The following CDH18 variants were observed in gnomAD, a reference collection of about 807,000 sequenced individuals.
The protein encoded by CDH18 is cadherin 18, also known as cadherin-18.
Under a neutral mutation model 67.9 loss-of-function variants are expected in CDH18, and 31 were observed. That is an observed-to-expected ratio of 0.46 (90% CI 0.34 to 0.62). The LOEUF (loss-of-function observed/expected upper bound fraction) is 0.62. Ranked by LOEUF, CDH18 falls within the 20% of genes least tolerant of loss-of-function variation. The pLI, the probability that CDH18 is intolerant of heterozygous loss-of-function variation, is 0.01. For synonymous variants in CDH18, 362 were observed against 347.2 expected, an observed-to-expected ratio of 1.04 and a Z score of -0.48; for missense variants, 890 against 975.5, an observed-to-expected ratio of 0.91 and a Z score of 1.17.
At chr5:19,666,475 G>A (rs937784983) in intron 5 of CDH18, among the ~76,000 whole-genome samples, 3 of 151,776 alleles carry the variant, frequency 2.0e-5, no homozygotes. Context: ...ATCTCCTGAT[G>A]TCCATCCTGG....
At chr5:20,356,199 G>GTGGTAAAACA (rs1328559468) in intron 1 of CDH18, among the ~76,000 whole-genome samples, 3 of 152,052 alleles carry the variant, frequency 2.0e-5, no homozygotes, top group African/African-American at 7.2e-5. Flanking sequence ...CTTGGCTAAT[G>GTGGTAAAACA]TGGTAAAACA....
chr5:20,075,526 A>C (rs1014541214), intron 2 of CDH18, among the ~76,000 whole-genome samples: 10 of 152,116 alleles, frequency 6.6e-5, no homozygotes, highest in South Asian at 2.1e-4. Flanking sequence ...AACAAACAAA[A>C]AAACCTGAAG....
chr5:20,253,215 T>C (rs943269986), intron 2 of CDH18, among the ~76,000 whole-genome samples: 1 of 152,150 alleles, frequency 6.6e-6, no homozygotes, highest in African/African-American at 2.4e-5. Context: ...AAAGATCTTG[T>C]ACAGAGCACT....
At chr5:20,412,883 A>G (rs926164564) in intron 1 of CDH18, among the ~76,000 whole-genome samples, 2 of 152,198 alleles carry the variant, frequency 1.3e-5, no homozygotes, top group Non-Finnish European at 2.9e-5. Flanking sequence ...TCACATATGT[A>G]TACATGTGCA....
chr5:20,196,481 C>A (rs1047224748), intron 2 of CDH18, among the ~76,000 whole-genome samples: 4 of 152,142 alleles, frequency 2.6e-5, no homozygotes, highest in Non-Finnish European at 5.9e-5. Context: ...AGATATTACT[C>A]TGCTTTATCT....
chr5:19,579,696 A>T (rs72737485), intron 7 of CDH18, among the ~76,000 whole-genome samples: 22,224 of 151,376 alleles, frequency 0.15, 2,030 homozygotes, highest in Admixed American at 0.19. Context: ...TTACTAATAA[A>T]TTTTTTTTAA....
intron 3 of CDH18, among the ~76,000 whole-genome samples, chr5:19,822,279 C>A (rs1018594626): frequency 6.6e-6 from 1 of 152,126 alleles, no homozygotes; most frequent in Non-Finnish European, 1.5e-5. Context: ...AGAGAAAAAT[C>A]TGTCATGTAA....
At chr5:19,764,663 A>C (rs997728739) in intron 3 of CDH18, among the ~76,000 whole-genome samples, 4 of 151,376 alleles carry the variant, frequency 2.6e-5, no homozygotes, top group African/African-American at 7.3e-5. Context: ...ACACACATAC[A>C]CATATATGTA....
At chr5:19,746,885 G>T (rs1170668144) in intron 4 of CDH18, 57 bp downstream of exon 4, 3 of 1,422,500 alleles carry the variant, frequency 2.1e-6, no homozygotes, top group Non-Finnish European at 2.0e-6. Flanking sequence ...TTCTAAAGAT[G>T]ACTTTTTGAT....
intron 1 of CDH18, among the ~76,000 whole-genome samples, chr5:20,258,690 A>G (rs1744422552): frequency 6.6e-6 from 1 of 152,140 alleles, no homozygotes; most frequent in African/African-American, 2.4e-5. Context: ...TTCTTACAAC[A>G]TGGATGGTTT....
At chr5:20,303,392 A>C (rs1201316043) in intron 1 of CDH18, among the ~76,000 whole-genome samples, 1 of 152,064 alleles carries the variant, frequency 6.6e-6, no homozygotes, top group Non-Finnish European at 1.5e-5. Flanking sequence ...AAGCCAAAAA[A>C]CTCCTTCACA....
intron 2 of CDH18, among the ~76,000 whole-genome samples, chr5:20,186,848 G>T (rs953501187): frequency 6.6e-6 from 1 of 151,758 alleles, no homozygotes; most frequent in African/African-American, 2.4e-5. Flanking sequence ...TAAATCCATG[G>T]TTATAGCAGC....
chr5:20,112,144 G>A (rs1275416077), intron 2 of CDH18, among the ~76,000 whole-genome samples: 1 of 152,022 alleles, frequency 6.6e-6, no homozygotes, highest in African/African-American at 2.4e-5. Context: ...TAATTTCTGT[G>A]GTGCTAATGT....
intron 5 of CDH18, among the ~76,000 whole-genome samples, chr5:19,717,620 T>C (rs1765501947): frequency 6.6e-6 from 1 of 152,114 alleles, no homozygotes; most frequent in Non-Finnish European, 1.5e-5. Flanking sequence ...TACACTATAA[T>C]AACTGAAGTA....
chr5:20,148,504 A>G (rs1165657038), intron 2 of CDH18, among the ~76,000 whole-genome samples: 2 of 152,174 alleles, frequency 1.3e-5, no homozygotes, highest in East Asian at 3.9e-4. Context: ...CTGAAGACTT[A>G]GAGTTGCTGG....
In CDH18 at chr5:19,471,858, A is replaced by G. The variant is rs1737677257; in HGVS notation, c.*1368T>C. On this transcript the variant is annotated 3_prime_UTR_variant, in exon 13 of 13. Transcript: ENST00000382275. ...TATATATTTATAAGCTAATGAAACT[A>G]GAAAATTAGATAAGCGTCTGCAAGC... 6.6e-6 allele frequency among the ~76,000 whole-genome samples: 1 copy of G among 152,310 alleles called. No homozygotes were observed. The highest frequency in any genetic ancestry group is 3.4e-3 in the Middle Eastern group (1 of 294).
At chr5:19,481,604 C>T (rs1313397357) in intron 12 of CDH18, among the ~76,000 whole-genome samples, 1 of 152,112 alleles carries the variant, frequency 6.6e-6, no homozygotes, top group Non-Finnish European at 1.5e-5. Context: ...CCTTTCTTTA[C>T]ACTCCTAAAA....
intron 2 of CDH18, among the ~76,000 whole-genome samples, chr5:20,014,314 T>G (rs1737702666): frequency 1.3e-5 from 2 of 152,140 alleles, no homozygotes; most frequent in South Asian, 4.1e-4. Flanking sequence ...AAGGTGGAAG[T>G]GTAATACTTG....
At chr5:20,058,235 A>C (rs1281130275) in intron 2 of CDH18, among the ~76,000 whole-genome samples, 1 of 152,172 alleles carries the variant, frequency 6.6e-6, no homozygotes, top group East Asian at 1.9e-4. Flanking sequence ...CAAAAAAGGA[A>C]GAAACAAATA....
Sources: gnomAD v4.1 joint callset for allele counts (sites outside exome capture counted in the v4.1 genomes callset) on GRCh38, gnomAD v4.1.1 for gene constraint, MANE v1.5 for transcripts, NCBI Gene and HGNC (gene_info 2026-07-23, HGNC 2026-07-21) for gene names.